Variants in KCTD20 observed in about 807,000 individuals in gnomAD.
KCTD20 encodes potassium channel tetramerization domain containing 20.
KCTD20 carries 30 observed loss-of-function variants against 39.6 expected under a neutral mutation model. That is an observed-to-expected ratio of 0.76 (90% CI 0.57 to 1.03). KCTD20 has a LOEUF of 1.03. KCTD20 is among the 50% of genes least tolerant of loss of function. The pLI, the probability that KCTD20 is intolerant of heterozygous loss-of-function variation, is 0.00. For missense variants in KCTD20, 422 were observed against 522.0 expected (o/e 0.81, Z 1.87); for synonymous variants, 162 against 180.6 (o/e 0.90, Z 0.83).
intron 3 of KCTD20, among the ~76,000 whole-genome samples, chr6:36,476,622 G>A (rs2127449737): frequency 6.6e-6 from 1 of 151,952 alleles, no homozygotes; most frequent in Non-Finnish European, 1.5e-5. Flanking sequence ...TAGAGATGGG[G>A]TTTCACCACG....
intron 1 of KCTD20, among the ~76,000 whole-genome samples, chr6:36,452,271 G>A (rs927238278): frequency 9.2e-5 from 14 of 151,830 alleles, no homozygotes; most frequent in Middle Eastern, 3.2e-3. Context: ...TAATTTCTTC[G>A]TTAAAAGTGT....
Position 36,469,928 on chromosome 6 carries a change from A to G in KCTD20, c.-46-124A>G, listed in dbSNP as rs1202106696. On this transcript the variant is annotated intron_variant, in intron 1 of 7. Transcript: ENST00000373731. The surrounding 1 kb of genome is among the most constrained non-coding windows in gnomAD (Gnocchi z 4.6). ...GATATAAAAATCACAAAAATGTTTA[A>G]GATGCCTATTTCTCCTGAGAACAGG... 2 of 462,806 alleles carry G rather than the reference A, an allele frequency of 4.3e-6. No homozygotes were observed. The highest frequency in any genetic ancestry group is 4.0e-5 in the African/African-American group (2 of 50,304). 28.7% of individuals were successfully genotyped at this position (462,806 alleles called of 1,614,324 possible).
chr6:36,485,434 G>C (rs1412478984), intron 7 of KCTD20, among the ~76,000 whole-genome samples: 1 of 151,430 alleles, frequency 6.6e-6, no homozygotes, highest in Non-Finnish European at 1.5e-5. Context: ...GCTCTCAAGA[G>C]ACTGATTCCT....
At chr6:36,486,326 A>G (rs1285764749) in intron 7 of KCTD20, among the ~76,000 whole-genome samples, 1 of 152,206 alleles carries the variant, frequency 6.6e-6, no homozygotes, top group African/African-American at 2.4e-5. Flanking sequence ...ACATTCTGCC[A>G]TACATATTTA....
intron 1 of KCTD20, among the ~76,000 whole-genome samples, chr6:36,463,521 G>A (rs1327228879): frequency 6.6e-6 from 1 of 152,176 alleles, no homozygotes; most frequent in African/African-American, 2.4e-5. Flanking sequence ...CCAATGCTAT[G>A]GTTTGAATGT....
chr6:36,464,638 C>T (rs937710957), intron 1 of KCTD20, among the ~76,000 whole-genome samples: 2 of 152,146 alleles, frequency 1.3e-5, no homozygotes, highest in African/African-American at 4.8e-5. Context: ...CCATTTTAAC[C>T]TATTCCCAGA....
chr6:36,452,176 T>C (rs541103714), intron 1 of KCTD20, among the ~76,000 whole-genome samples: 5 of 152,208 alleles, frequency 3.3e-5, no homozygotes, highest in Non-Finnish European at 5.9e-5. Context: ...TGCCATAATG[T>C]ATTATCCTTT....
At chr6:36,446,007 G>T (rs933459781) in intron 1 of KCTD20, among the ~76,000 whole-genome samples, 3 of 142,082 alleles carry the variant, frequency 2.1e-5, no homozygotes, top group Admixed American at 7.4e-5. Flanking sequence ...TAAAGCCCCA[G>T]AAATGTTATG....
intron 2 of KCTD20, among the ~76,000 whole-genome samples, chr6:36,471,460 G>A (rs575803242): frequency 2.6e-5 from 4 of 152,258 alleles, no homozygotes; most frequent in Admixed American, 2.0e-4. Context: ...CTGACCACAA[G>A]CCTAAAATAT....
At chr6:36,480,001 C>T (rs749404162) in intron 5 of KCTD20, among the ~76,000 whole-genome samples, 8 of 151,888 alleles carry the variant, frequency 5.3e-5, no homozygotes, top group Non-Finnish European at 8.8e-5. Flanking sequence ...CCATGTTGGC[C>T]GAGCTGGTTT....
Position 36,479,184 on chromosome 6 carries a change from T to G in KCTD20, c.498T>G (p.Ile166Met), listed in dbSNP as rs1173921256. The change falls in exon 4 of 8, where the codon ATT becomes ATG. Residue 166 changes from isoleucine to methionine, a missense_variant. Physicochemically the swap from Ile to Met is conservative, Grantham distance 10. Coordinates refer to ENST00000373731, the MANE Select transcript of KCTD20 (RefSeq NM_173562.5). ...TRPNEKGEYE[I>M]AEGISATVFR... The stretch of plus-strand genomic sequence containing the variant: ...CCAATGAGAAGGGAGAGTATGAGAT[T>G]GCTGAAGGCATCAGTGCAACTGTAT... 6.2e-7 allele frequency: 1 copy of G among 1,614,058 alleles called. No homozygotes were observed. The highest frequency in any genetic ancestry group is 8.5e-7 in the Non-Finnish European group (1 of 1,179,954).
rs747316698 is a variant in KCTD20, at chr6:36,470,125, G to A, written c.28G>A (p.Asp10Asn). The part of the protein sequence containing the change: MNVHRGSDS[D>N]RLLRQEASCL... ...GAATGTTCACCGTGGCAGTGACAGTGACAGGTTATTGCGGCAGGAGGCCAG... is the reference window on the plus strand; with the variant it reads ...GAATGTTCACCGTGGCAGTGACAGTAACAGGTTATTGCGGCAGGAGGCCAG... Residue 10 changes from aspartate (D) to asparagine (N), a missense_variant, in exon 2 of 8, where the codon GAC (aspartate) becomes AAC (asparagine). Transcript: ENST00000373731. The A allele has an allele frequency of 2.2e-5, 36 of 1,613,864 alleles. No homozygotes were observed. In the South Asian group the frequency reaches 3.2e-4, roughly 14 times the overall value.
chr6:36,475,407 C>T (rs1007314561), intron 3 of KCTD20, among the ~76,000 whole-genome samples: 2 of 151,730 alleles, frequency 1.3e-5, no homozygotes, highest in African/African-American at 4.8e-5. Context: ...CGAGACTGCA[C>T]CATTGCACTC....
intron 1 of KCTD20, among the ~76,000 whole-genome samples, chr6:36,463,722 A>G (rs77660021): frequency 0.11 from 17,340 of 152,138 alleles, 1,181 homozygotes; most frequent in Admixed American, 0.22. Flanking sequence ...CAGATACCCA[A>G]TTTGCCAGCA....
intron 2 of KCTD20, among the ~76,000 whole-genome samples, chr6:36,471,341 G>A (rs1428678071): frequency 1.3e-5 from 2 of 152,120 alleles, no homozygotes; most frequent in African/African-American, 4.8e-5. Flanking sequence ...GATCAGGGGT[G>A]GCAAACTGGT....
intron 7 of KCTD20, among the ~76,000 whole-genome samples, chr6:36,485,627 G>A (rs941411459): frequency 9.2e-5 from 14 of 151,434 alleles, no homozygotes; most frequent in South Asian, 2.1e-4. Flanking sequence ...TCGAGTAGCT[G>A]GGACTACAGG....
intron 1 of KCTD20, among the ~76,000 whole-genome samples, chr6:36,462,761 T>C (rs1270370996): frequency 6.6e-6 from 1 of 152,232 alleles, no homozygotes; most frequent in African/African-American, 2.4e-5. Context: ...GGTAATACCC[T>C]TTTCTTCGCT....
At chr6:36,486,116 C>A (rs982639388) in intron 7 of KCTD20, among the ~76,000 whole-genome samples, 6 of 152,088 alleles carry the variant, frequency 3.9e-5, no homozygotes, top group Non-Finnish European at 8.8e-5. Context: ...CCCTCTGGCC[C>A]AGGCTGGTTT....
intron 2 of KCTD20, among the ~76,000 whole-genome samples, chr6:36,471,850 CTTTTTTT>C (rs550731370): frequency 2.2e-5 from 3 of 135,362 alleles, no homozygotes; most frequent in African/African-American, 2.7e-5. Flanking sequence ...GTATCTATTT[CTTTTTTT>C]TTTTTTTTTT....
Sources: allele counts gnomAD v4.1 joint callset (sites outside exome capture counted in the v4.1 genomes callset), GRCh38; gene constraint gnomAD v4.1.1; non-coding constraint Gnocchi (gnomAD v3.1); transcripts MANE v1.5; gene names NCBI Gene and HGNC (gene_info 2026-07-23, HGNC 2026-07-21).